CLVS1: variants seen among roughly 807,000 people sequenced by gnomAD.
CLVS1 encodes the protein clavesin-1.
In CLVS1, 10 loss-of-function variants were observed where a neutral mutation model predicts 33.1. That is an observed-to-expected ratio of 0.30 (90% CI 0.19 to 0.51). The LOEUF is 0.51. Among genes scored for constraint, CLVS1 ranks in the 20% least tolerant of loss-of-function variants. The pLI is 0.97. For missense variants in CLVS1, 343 were observed against 433.4 expected (o/e 0.79, Z 1.85); for synonymous variants, 163 against 166.1 (o/e 0.98, Z 0.14).
At chr8:60,965,059 A>G in the CLVS1 span, among the ~76,000 whole-genome samples, 1 of 152,052 alleles carries the variant, frequency 6.6e-6, no homozygotes, top group Non-Finnish European at 1.5e-5. Flanking sequence ...TTGAGTTGCA[A>G]GATTGTGAGG....
In CLVS1 at chr8:61,438,784, C is replaced by A. The variant is rs567402688; in HGVS notation, c.631-15357C>A. ...CATTCTAAGTAAAGTTATGTTTCCT[C>A]GCCTGTAAAATGGGATAATATAGAT... On this transcript the variant is annotated intron_variant, in intron 3 of 5. Transcript: ENST00000325897. Among the ~76,000 whole-genome samples, 3 of 152,152 alleles carry A rather than the reference C, an allele frequency of 2.0e-5. No individual in the cohort carries two copies. In the South Asian group the frequency reaches 6.2e-4, roughly 32 times the overall value.
At chr8:61,099,846 C>G (rs1414953143) in intron 1 of CLVS1, among the ~76,000 whole-genome samples, 1 of 152,136 alleles carries the variant, frequency 6.6e-6, no homozygotes, top group African/African-American at 2.4e-5. Context: ...AATCCTCAGG[C>G]AAATTGTAAT....
intron 2 of CLVS1, among the ~76,000 whole-genome samples, chr8:61,339,599 A>C (rs1460802062): frequency 2.0e-5 from 3 of 152,010 alleles, no homozygotes; most frequent in Non-Finnish European, 4.4e-5. Flanking sequence ...ATTGAGAGGT[A>C]CTCTACCAAA....
the CLVS1 span, among the ~76,000 whole-genome samples, chr8:61,039,920 G>T: frequency 1.3e-5 from 2 of 152,142 alleles, no homozygotes; most frequent in Non-Finnish European, 2.9e-5. Flanking sequence ...CTGAGGTTTC[G>T]GGTACAAATG....
chr8:61,238,684 A>C (rs1477626272), intron 2 of CLVS1, among the ~76,000 whole-genome samples: 1 of 152,234 alleles, frequency 6.6e-6, no homozygotes, highest in African/African-American at 2.4e-5. Context: ...CTTGGTTTGA[A>C]CAAAATTTTT....
chr8:61,352,699 A>G (rs1812518898), intron 2 of CLVS1, among the ~76,000 whole-genome samples: 1 of 152,044 alleles, frequency 6.6e-6, no homozygotes, highest in African/African-American at 2.4e-5. Flanking sequence ...CATTAAGAAG[A>G]CATAAATAAG....
the CLVS1 span, among the ~76,000 whole-genome samples, chr8:60,986,179 G>T: frequency 1.3e-5 from 2 of 152,286 alleles, no homozygotes; most frequent in East Asian, 3.9e-4. Context: ...TGTCACAGGG[G>T]CAGGCCAGTG....
At chr8:61,295,883 C>G (rs925569687) in intron 1 of CLVS1, among the ~76,000 whole-genome samples, 18 of 152,030 alleles carry the variant, frequency 1.2e-4, no homozygotes, top group African/African-American at 3.1e-4. Context: ...AGAGAATCTG[C>G]AAATGCCTAG....
At chr8:61,132,299 A>G (rs1318046730) in intron 2 of CLVS1, among the ~76,000 whole-genome samples, 1 of 152,188 alleles carries the variant, frequency 6.6e-6, no homozygotes, top group African/African-American at 2.4e-5. Flanking sequence ...GTGAAAACCG[A>G]TGCTGGGGTT....
intron 2 of CLVS1, among the ~76,000 whole-genome samples, chr8:61,261,975 CGTGTGTGTGTGTGTGTGTGTGTGT>C (rs57278209): frequency 9.0e-6 from 1 of 110,962 alleles, no homozygotes; most frequent in Non-Finnish European, 1.8e-5. Flanking sequence ...CTCATTGCTG[CGTGTGTGTGTGTGTGTGTGTGTGT>C]GTGTGTGTGT....
At chr8:61,108,900 T>A (rs1009361091) in intron 1 of CLVS1, among the ~76,000 whole-genome samples, 5 of 152,330 alleles carry the variant, frequency 3.3e-5, no homozygotes, top group African/African-American at 1.2e-4. Flanking sequence ...TGGTTCTAAG[T>A]CACATTGCCT....
rs369177024 is a variant in CLVS1 at position 61,376,796 on chromosome 8, C to T, written c.630+17C>T. The T allele has an allele frequency of 5.4e-5, 86 of 1,605,948 alleles. No homozygotes were observed. The highest frequency in any genetic ancestry group is 4.8e-4 in the African/African-American group (36 of 74,688). On this transcript the variant is annotated intron_variant, in intron 3 of 5. Coordinates refer to ENST00000325897, the MANE Select transcript of CLVS1 (RefSeq NM_173519.3). The stretch of plus-strand genomic sequence containing the variant: ...GGGTTGCAGGTATGTTCAATGAATG[C>T]GCAATACAAGACCATGTGTGGCAAC...
the CLVS1 span, among the ~76,000 whole-genome samples, chr8:61,003,705 C>A: frequency 6.6e-6 from 1 of 152,158 alleles, no homozygotes; most frequent in Non-Finnish European, 1.5e-5. Context: ...ACTGTTTTGG[C>A]TTTAAGATGG....
intron 1 of CLVS1, among the ~76,000 whole-genome samples, chr8:61,084,621 A>G (rs1246162299): frequency 6.6e-6 from 1 of 152,232 alleles, no homozygotes; most frequent in African/African-American, 2.4e-5. Flanking sequence ...GACAATGAGA[A>G]GTGGAAAGAG....
intron 2 of CLVS1, among the ~76,000 whole-genome samples, chr8:61,355,246 C>T (rs1214314821): frequency 1.3e-5 from 2 of 151,956 alleles, no homozygotes; most frequent in Non-Finnish European, 1.5e-5. Flanking sequence ...CTGAATCCAA[C>T]CAAGCTTGTG....
intron 1 of CLVS1, among the ~76,000 whole-genome samples, chr8:61,076,964 G>T (rs1804924211): frequency 1.3e-5 from 2 of 152,172 alleles, no homozygotes; most frequent in African/African-American, 2.4e-5. Context: ...TCCCTGAGGC[G>T]TGGTCTGAGG....
At chr8:61,404,995 A>G (rs890031168) in intron 3 of CLVS1, among the ~76,000 whole-genome samples, 2 of 152,196 alleles carry the variant, frequency 1.3e-5, no homozygotes, top group Admixed American at 6.5e-5. Flanking sequence ...ACCAGAACCA[A>G]CTGTGGCTCC....
chr8:61,298,592 G>T (rs1258988887), intron 1 of CLVS1, among the ~76,000 whole-genome samples: 2 of 152,260 alleles, frequency 1.3e-5, no homozygotes, highest in Admixed American at 1.3e-4. Flanking sequence ...ATAATGATTA[G>T]ATTGGGAGTA....
rs541099706 is a variant in CLVS1, at chr8:61,348,112, A to G, written c.456-28493A>G. 7.3e-4 allele frequency among the ~76,000 whole-genome samples: 111 copies of G among 152,034 alleles called. 1 individual carries two copies. The Middle Eastern group carries it at 0.02, about 28-fold the overall frequency. ...GAATCCTTTAACCAACATCTCCCCA[A>G]ACGCAACCATTGTCCCCAAATCCCT... On this transcript the variant is annotated intron_variant, in intron 2 of 5. Coordinates refer to ENST00000325897, the MANE Select transcript of CLVS1 (RefSeq NM_173519.3).
Sources: gnomAD v4.1 joint callset for allele counts (sites outside exome capture counted in the v4.1 genomes callset) on GRCh38, gnomAD v4.1.1 for gene constraint, MANE v1.5 for transcripts, NCBI Gene and HGNC (gene_info 2026-07-23, HGNC 2026-07-21) for gene names.